The following FBXO16 variants were observed in gnomAD, a reference collection of about 807,000 sequenced individuals.
FBXO16 encodes the protein F-box only protein 16.
In FBXO16, 31 loss-of-function variants were observed where a neutral mutation model predicts 41.0. The observed-to-expected ratio is 0.76, with a 90% CI of 0.57 to 1.02. The LOEUF is 1.02. FBXO16 is among the 50% of genes least tolerant of loss of function. The pLI, the probability that FBXO16 is intolerant of heterozygous loss-of-function variation, is 0.00. For synonymous variants in FBXO16, 133 were observed against 117.8 expected (o/e 1.13, Z -0.84); for missense variants, 361 against 346.2 (o/e 1.04, Z -0.34).
At chr8:28,461,701 T>C (rs962267472) in intron 4 of FBXO16, among the ~76,000 whole-genome samples, 1 of 152,222 alleles carries the variant, frequency 6.6e-6, no homozygotes, top group Non-Finnish European at 1.5e-5. Context: ...TTAATTTTTA[T>C]AGTCACAATT....
chr8:28,441,605 A>G (rs1359638397), intron 7 of FBXO16, among the ~76,000 whole-genome samples: 3 of 151,682 alleles, frequency 2.0e-5, no homozygotes, highest in Non-Finnish European at 4.4e-5. Context: ...GCGTGGTGGC[A>G]GGTGCCTGTA....
intron 2 of FBXO16, among the ~76,000 whole-genome samples, chr8:28,479,705 T>C (rs1182840693): frequency 6.6e-6 from 1 of 151,994 alleles, no homozygotes; most frequent in African/African-American, 2.4e-5. Context: ...TTGAGCTGGA[T>C]AAAAACTATT....
rs1312350954 is a variant in FBXO16, at chr8:28,476,963, TC to T, written c.100-3157del. 2.6e-5 allele frequency among the ~76,000 whole-genome samples: 4 copies of T among 152,238 alleles called. No homozygotes were observed. The East Asian group carries it at 5.8e-4, about 22-fold the overall frequency. On this transcript the variant is annotated intron_variant, in intron 2 of 8. Transcript: ENST00000380254. ...ATCCGTCATCTTCCATAGTTACCTT[TC>T]TATGTATGTGTGATAAAGATCACTT...
At chr8:28,460,962 T>C (rs892127283) in intron 4 of FBXO16, among the ~76,000 whole-genome samples, 1 of 152,144 alleles carries the variant, frequency 6.6e-6, no homozygotes, top group Non-Finnish European at 1.5e-5. Flanking sequence ...TCTCAAACTC[T>C]TGGCCTCAAG....
chr8:28,436,524 C>T (rs1362765359), intron 7 of FBXO16, among the ~76,000 whole-genome samples: 1 of 152,122 alleles, frequency 6.6e-6, no homozygotes, highest in African/African-American at 2.4e-5. Context: ...CAACTCGAGC[C>T]AGGGTTTTGA....
intron 6 of FBXO16, among the ~76,000 whole-genome samples, chr8:28,451,251 C>T (rs1379392509): frequency 6.6e-6 from 1 of 152,152 alleles, no homozygotes; most frequent in Non-Finnish European, 1.5e-5. Context: ...TGTACTAGAG[C>T]CCTATTGGCT....
intron 1 of FBXO16, among the ~76,000 whole-genome samples, chr8:28,485,552 C>T (rs1803589241): frequency 1.3e-5 from 2 of 152,124 alleles, no homozygotes; most frequent in Non-Finnish European, 2.9e-5. Context: ...TTGAGGTTCT[C>T]ATTTGACATG....
intron 3 of FBXO16, among the ~76,000 whole-genome samples, chr8:28,464,044 C>T (rs1272317777): frequency 6.6e-6 from 1 of 152,154 alleles, no homozygotes; most frequent in Non-Finnish European, 1.5e-5. Flanking sequence ...CATGTGACCT[C>T]AAAACTTGCA....
chr8:28,451,380 G>A (rs907362453), intron 6 of FBXO16, among the ~76,000 whole-genome samples: 9 of 138,740 alleles, frequency 6.5e-5, no homozygotes, highest in African/African-American at 2.1e-4. Flanking sequence ...CTTTGTTGTT[G>A]TTTTTTTTTT....
intron 1 of FBXO16, among the ~76,000 whole-genome samples, chr8:28,485,619 A>T (rs1803589945): frequency 1.3e-5 from 2 of 152,232 alleles, no homozygotes; most frequent in South Asian, 4.1e-4. Context: ...GGGTGTCAAG[A>T]CAATGCCTTC....
At chr8:28,454,801 G>T (rs1020834615) in intron 5 of FBXO16, among the ~76,000 whole-genome samples, 2 of 149,572 alleles carry the variant, frequency 1.3e-5, no homozygotes, top group Admixed American at 6.7e-5. Flanking sequence ...AACAAAATAG[G>T]TAATAGTGAA....
chr8:28,478,864 G>A (rs1210001803), intron 2 of FBXO16, among the ~76,000 whole-genome samples: 1 of 151,884 alleles, frequency 6.6e-6, no homozygotes, highest in African/African-American at 2.4e-5. Context: ...TATGTTGGAG[G>A]TGGGGCCTGG....
At chr8:28,436,636 C>T (rs904348210) in intron 7 of FBXO16, among the ~76,000 whole-genome samples, 2 of 152,128 alleles carry the variant, frequency 1.3e-5, no homozygotes, top group Admixed American at 6.6e-5. Context: ...TCTGAGTGAA[C>T]TCATATTTCA....
At chr8:28,452,977 TGTCATCATC>T (rs1563362506) in intron 5 of FBXO16, among the ~76,000 whole-genome samples, 1 of 151,870 alleles carries the variant, frequency 6.6e-6, no homozygotes, top group African/African-American at 2.4e-5. Flanking sequence ...CCATCACCAA[TGTCATCATC>T]GTCATCATCA....
At chr8:28,439,441 A>C (rs1802731176) in intron 7 of FBXO16, among the ~76,000 whole-genome samples, 1 of 152,108 alleles carries the variant, frequency 6.6e-6, no homozygotes, top group South Asian at 2.1e-4. Flanking sequence ...AGACATTGTT[A>C]TAAAATGAAC....
At chr8:28,438,114 G>A (rs550547617) in intron 7 of FBXO16, among the ~76,000 whole-genome samples, 4 of 151,480 alleles carry the variant, frequency 2.6e-5, no homozygotes, top group African/African-American at 4.9e-5. Context: ...CCCGGAGCTC[G>A]AGACCAGCCT....
chr8:28,477,961 C>T (rs544261102), intron 2 of FBXO16, among the ~76,000 whole-genome samples: 2 of 152,178 alleles, frequency 1.3e-5, no homozygotes, highest in Non-Finnish European at 2.9e-5. Flanking sequence ...TGCAGTGAGC[C>T]GTGATTGTGC....
At position 28,428,540 on chromosome 8, in the gene FBXO16, A is replaced by G. The variant is rs1036631800; in HGVS notation, c.*187T>C. 5.8e-6 allele frequency: 9 copies of G among 1,540,830 alleles called. No homozygotes were observed. The Admixed American group carries it at 8.1e-5, about 14-fold the overall frequency. On this transcript the variant is annotated 3_prime_UTR_variant, in exon 9 of 9. Transcript: ENST00000380254. ...CTGTGCAAAGCATCTTGTCATTTCT[A>G]TAATAAAAGTCTTTCCATGTTCAGT...
intron 4 of FBXO16, among the ~76,000 whole-genome samples, chr8:28,461,746 A>G (rs952135576): frequency 6.6e-6 from 1 of 152,200 alleles, no homozygotes; most frequent in African/African-American, 2.4e-5. Context: ...CTCACGATAC[A>G]TAAAATGAAG....
Sources: gnomAD v4.1 joint callset for allele counts (sites outside exome capture counted in the v4.1 genomes callset) on GRCh38, gnomAD v4.1.1 for gene constraint, MANE v1.5 for transcripts, NCBI Gene and HGNC (gene_info 2026-07-23, HGNC 2026-07-21) for gene names.